Variants in DPH6 observed in about 807,000 individuals in gnomAD.
DPH6 encodes diphthine--ammonia ligase.
Under a neutral mutation model 38.2 loss-of-function variants are expected in DPH6, and 33 were observed. The observed-to-expected ratio is 0.86, with a 90% CI of 0.65 to 1.15. The LOEUF (loss-of-function observed/expected upper bound fraction) is 1.15, where lower values mean the gene tolerates loss of function less well. DPH6 is among the 50% of genes most tolerant of loss of function. The pLI is 0.00. For synonymous variants in DPH6, 108 were observed against 103.0 expected, an observed-to-expected ratio of 1.05 and a Z score of -0.30; for missense variants, 325 against 320.0, an observed-to-expected ratio of 1.02 and a Z score of -0.12.
intron 1 of DPH6, among the ~76,000 whole-genome samples, chr15:35,544,731 CTTTT>C (rs975511453): frequency 3.3e-5 from 5 of 152,062 alleles, no homozygotes; most frequent in Admixed American, 1.3e-4. Context: ...TTTTAGCAAA[CTTTT>C]TTTATTATAA....
intron 3 of DPH6, among the ~76,000 whole-genome samples, chr15:35,354,931 T>C (rs1025356638): frequency 6.6e-6 from 1 of 152,216 alleles, no homozygotes; most frequent in Non-Finnish European, 1.5e-5. Flanking sequence ...AGTCTCTTCG[T>C]AGGTCTCTAA....
downstream of DPH6, among the ~76,000 whole-genome samples, chr15:35,366,908 C>T (rs1236222465): frequency 6.6e-6 from 1 of 151,750 alleles, no homozygotes; most frequent in Non-Finnish European, 1.5e-5. Context: ...TCCATGTAGA[C>T]CTAGTAGTTT....
At chr15:35,405,372 C>G (rs1208470874) in intron 6 of DPH6, among the ~76,000 whole-genome samples, 1 of 151,920 alleles carries the variant, frequency 6.6e-6, no homozygotes, top group Non-Finnish European at 1.5e-5. Context: ...TTAATGTCCA[C>G]TTCAATTTTT....
chr15:35,421,017 T>G (rs2053498545), intron 5 of DPH6, among the ~76,000 whole-genome samples: 1 of 152,068 alleles, frequency 6.6e-6, no homozygotes, highest in African/African-American at 2.4e-5. Context: ...TAAACTGTAT[T>G]TAACAACAAA....
intron 3 of DPH6, among the ~76,000 whole-genome samples, chr15:35,473,071 A>T (rs1258449020): frequency 6.6e-6 from 1 of 152,138 alleles, no homozygotes; most frequent in Non-Finnish European, 1.5e-5. Flanking sequence ...CAATGCCTAT[A>T]CTCAATATGA....
intron 6 of DPH6, chr15:35,401,479 C>T: frequency 1.3e-6 from 1 of 771,786 alleles, no homozygotes; most frequent in Admixed American, 1.7e-5. Context: ...TTATGGAAAC[C>T]AGGGCAGTGG....
At chr15:35,310,201 T>A (rs1201323329) in intron 3 of DPH6, among the ~76,000 whole-genome samples, 1 of 152,212 alleles carries the variant, frequency 6.6e-6, no homozygotes, top group Non-Finnish European at 1.5e-5. Flanking sequence ...GACAGTGGGA[T>A]TCATTTCACA....
intron 5 of DPH6, among the ~76,000 whole-genome samples, chr15:35,423,228 A>T (rs558232045): frequency 3.3e-5 from 5 of 151,678 alleles, no homozygotes; most frequent in Admixed American, 1.3e-4. Context: ...CACTTTTCTG[A>T]TACTCATTCT....
intron 3 of DPH6, among the ~76,000 whole-genome samples, chr15:35,457,616 C>T (rs991507801): frequency 2.6e-5 from 4 of 152,166 alleles, no homozygotes; most frequent in Non-Finnish European, 1.5e-5. Flanking sequence ...GTAATTACTA[C>T]TGCCTGGTAG....
rs567198207 is a variant in DPH6, at chr15:35,448,235, T to C, written c.505+2450A>G. On this transcript the variant is annotated intron_variant, in intron 5 of 8. Coordinates refer to ENST00000256538, the MANE Select transcript of DPH6 (RefSeq NM_080650.4). ...CTATAATTATATGTTTATAGAAAGA[T>C]TATAGAAGTTCTTTCTTCTTTCTTT... is the stretch of plus-strand genomic sequence containing the variant. Among the ~76,000 whole-genome samples, 4 of 152,272 alleles carry C rather than the reference T, an allele frequency of 2.6e-5. No individual in the cohort carries two copies. In the East Asian group the frequency reaches 5.8e-4, roughly 22 times the overall value.
chr15:35,316,261 A>G (rs2052187662), intron 3 of DPH6, among the ~76,000 whole-genome samples: 1 of 152,210 alleles, frequency 6.6e-6, no homozygotes, highest in South Asian at 2.1e-4. Flanking sequence ...TTTGATCTCT[A>G]CAAATTATAT....
chr15:35,406,052 T>C (rs998448387), intron 6 of DPH6, among the ~76,000 whole-genome samples: 4 of 152,070 alleles, frequency 2.6e-5, no homozygotes, highest in African/African-American at 9.7e-5. Context: ...TAATACACAC[T>C]ATTTAAAAGA....
At chr15:35,406,785 G>T (rs1469025528) in intron 6 of DPH6, among the ~76,000 whole-genome samples, 1 of 151,874 alleles carries the variant, frequency 6.6e-6, no homozygotes, top group Non-Finnish European at 1.5e-5. Context: ...GAGGTTGAGG[G>T]GCTTGGGGAC....
chr15:35,524,143 A>C (rs962467429), intron 3 of DPH6, among the ~76,000 whole-genome samples: 2 of 114,270 alleles, frequency 1.8e-5, no homozygotes, highest in African/African-American at 5.1e-5. Flanking sequence ...AAAATGAATT[A>C]AAAGATTAAC....
chr15:35,236,984 C>T (rs964730315), intron 3 of DPH6, among the ~76,000 whole-genome samples: 2 of 152,110 alleles, frequency 1.3e-5, no homozygotes, highest in African/African-American at 2.4e-5. Context: ...ATAAGTGGCT[C>T]ATCTCCATTA....
Position 35,298,809 on chromosome 15 carries a change from C to T in DPH6, n.200+74712G>A, listed in dbSNP as rs2052032980. 4.4e-6 allele frequency: 5 copies of T among 1,124,320 alleles called. No individual in the cohort carries two copies. The Admixed American group carries it at 8.4e-5, about 19-fold the overall frequency. 69.6% of individuals were successfully genotyped at this position (1,124,320 alleles called of 1,614,324 possible). A position where few individuals can be genotyped will look rare whatever the true frequency, so the allele number is the denominator to read the frequency against. Reference sequence around the variant, plus strand: ...TTGGAGATCTCGGTCTGTCTTGTTCCTCGTACACTGGGGGAGGAATGGCAG... The same window carrying T: ...TTGGAGATCTCGGTCTGTCTTGTTCTTCGTACACTGGGGGAGGAATGGCAG... On this transcript the variant is annotated intron_variant and non_coding_transcript_variant, in intron 3 of 3. Coordinates refer to the DPH6 transcript ENST00000560386.
chr15:35,496,570 AT>A lies in DPH6; in HGVS notation c.312+41703del, dbSNP rs1566931348. Among the ~76,000 whole-genome samples, 254 of 108,250 alleles carry A rather than the reference AT, an allele frequency of 2.3e-3. 6 individuals are homozygous for A. Among genetic ancestry groups the A allele is most frequent in the Middle Eastern group, 0.013 (3 of 228 alleles). 71.0% of individuals were successfully genotyped at this position (108,250 alleles called of 152,430 possible). A position where few individuals can be genotyped will look rare whatever the true frequency, so the allele number is the denominator to read the frequency against. On this transcript the variant is annotated intron_variant, in intron 3 of 8. Coordinates refer to ENST00000256538, the MANE Select transcript of DPH6 (RefSeq NM_080650.4). ...AGTTCCATCTCAAAAAAAAAAAAAT[AT>A]ATATATATATATATATATATCCTCT...
At chr15:35,381,639 CGTCTT>C (rs1382299803) in intron 7 of DPH6, among the ~76,000 whole-genome samples, 178 bp downstream of exon 7, 1 of 152,100 alleles carries the variant, frequency 6.6e-6, no homozygotes, top group Non-Finnish European at 1.5e-5. Context: ...ATGAAGGCCT[CGTCTT>C]GTCAGGTATT....
chr15:35,416,476 C>T (rs2053437974), intron 5 of DPH6, among the ~76,000 whole-genome samples: 1 of 151,842 alleles, frequency 6.6e-6, no homozygotes. Context: ...AATTCTTTTC[C>T]ATAAAATGTC....
Sources: allele counts gnomAD v4.1 joint callset (sites outside exome capture counted in the v4.1 genomes callset), GRCh38; gene constraint gnomAD v4.1.1; transcripts MANE v1.5; gene names NCBI Gene and HGNC (gene_info 2026-07-23, HGNC 2026-07-21).